Variants in KCNT2 observed in about 807,000 individuals in gnomAD.
KCNT2 encodes the protein potassium channel subfamily T member 2.
KCNT2 carries 67 observed loss-of-function variants against 153.8 expected under a neutral mutation model. The observed-to-expected ratio is 0.44, with a 90% CI of 0.36 to 0.53. KCNT2 has a LOEUF of 0.53. Among genes scored for constraint, KCNT2 ranks in the 20% least tolerant of loss-of-function variants. KCNT2 has a pLI of 0.00. For synonymous variants in KCNT2, 500 were observed against 458.8 expected (o/e 1.09, Z -1.15); for missense variants, 975 against 1,354.8 (o/e 0.72, Z 4.40).
At chr1:196,304,603 A>T (rs1186264195) in intron 22 of KCNT2, among the ~76,000 whole-genome samples, 6 of 152,146 alleles carry the variant, frequency 3.9e-5, no homozygotes, top group Admixed American at 3.9e-4. Flanking sequence ...AGTAGTAAGT[A>T]AAAGCTGAGT....
intron 1 of KCNT2, among the ~76,000 whole-genome samples, chr1:196,587,357 C>T (rs1270013896): frequency 2.0e-5 from 3 of 151,954 alleles, no homozygotes; most frequent in African/African-American, 7.2e-5. Context: ...CAAGACCATA[C>T]AGTTACTAAA....
At chr1:196,231,679 G>A (rs956282775) in intron 27 of KCNT2, among the ~76,000 whole-genome samples, 4 of 151,780 alleles carry the variant, frequency 2.6e-5, no homozygotes, top group African/African-American at 9.7e-5. Context: ...AGACCACAGA[G>A]GATGGATGTT....
intron 2 of KCNT2, among the ~76,000 whole-genome samples, chr1:196,491,066 T>C (rs530774104): frequency 1.4e-3 from 220 of 152,128 alleles, no homozygotes; most frequent in African/African-American, 5.0e-3. Flanking sequence ...ATTAAAGAAA[T>C]TATGCTGGTT....
At chr1:196,606,315 C>A (rs1317571006) in intron 1 of KCNT2, among the ~76,000 whole-genome samples, 1 of 152,174 alleles carries the variant, frequency 6.6e-6, no homozygotes, top group Admixed American at 6.5e-5. Context: ...TTCCAAGTAT[C>A]TTGCCTTCAA....
At chr1:196,590,921 T>A (rs1170620738) in intron 1 of KCNT2, among the ~76,000 whole-genome samples, 1 of 151,150 alleles carries the variant, frequency 6.6e-6, no homozygotes, top group Non-Finnish European at 1.5e-5. Flanking sequence ...AGGCCAGGAG[T>A]TCAAGACCTG....
chr1:196,399,093 G>T (rs1671194636), intron 12 of KCNT2, among the ~76,000 whole-genome samples: 3 of 93,590 alleles, frequency 3.2e-5, no homozygotes, highest in Admixed American at 1.1e-4. Flanking sequence ...TTTGACCTGT[G>T]TGTATGTGTG....
At chr1:196,427,948 G>A (rs891177533) in intron 10 of KCNT2, among the ~76,000 whole-genome samples, 157 bp downstream of exon 10, 2 of 151,666 alleles carry the variant, frequency 1.3e-5, no homozygotes, top group African/African-American at 4.8e-5. Flanking sequence ...TTTTTTCTAT[G>A]TTCCTGGTTA....
At chr1:196,435,135 GTATGTATATATATATATATATA>G (rs1299565199) in intron 8 of KCNT2, among the ~76,000 whole-genome samples, 30 of 76,876 alleles carry the variant, frequency 3.9e-4, no homozygotes, top group African/African-American at 8.7e-4. Flanking sequence ...GTGTGTGTGT[GTATGTATATATATATATATATA>G]TATATATATA....
chr1:196,407,686 T>G (rs1190406573), intron 12 of KCNT2, among the ~76,000 whole-genome samples: 1 of 151,446 alleles, frequency 6.6e-6, no homozygotes, highest in South Asian at 2.1e-4. Context: ...TCTTTTCTCA[T>G]GCTGTCTGAA....
At chr1:196,377,302 G>C (rs567243265) in intron 13 of KCNT2, among the ~76,000 whole-genome samples, 2 of 152,032 alleles carry the variant, frequency 1.3e-5, no homozygotes, top group South Asian at 2.1e-4. Flanking sequence ...AGCTGGGAGA[G>C]AGAGTACATT....
chr1:196,282,621 T>C (rs985789104), intron 23 of KCNT2, among the ~76,000 whole-genome samples: 1 of 152,190 alleles, frequency 6.6e-6, no homozygotes, highest in African/African-American at 2.4e-5. Flanking sequence ...TGTGTGTTAT[T>C]AGGCATGATA....
intron 8 of KCNT2, among the ~76,000 whole-genome samples, chr1:196,448,893 A>G (rs1183436839): frequency 6.6e-6 from 1 of 151,676 alleles, no homozygotes; most frequent in East Asian, 1.9e-4. Flanking sequence ...AAGAACAATC[A>G]TTTTTTTAAA....
intron 1 of KCNT2, among the ~76,000 whole-genome samples, chr1:196,501,273 C>G (rs765897063): frequency 6.6e-6 from 1 of 152,062 alleles, no homozygotes; most frequent in Non-Finnish European, 1.5e-5. Context: ...TATTGCAGCA[C>G]TACTACCAAT....
At chr1:196,310,652 CA>C (rs1417493988) in intron 21 of KCNT2, among the ~76,000 whole-genome samples, 1 of 151,782 alleles carries the variant, frequency 6.6e-6, no homozygotes, top group Non-Finnish European at 1.5e-5. Flanking sequence ...CAATCTAAGA[CA>C]ATATTCTTTT....
At chr1:196,458,303 T>C (rs1676855424) in intron 8 of KCNT2, among the ~76,000 whole-genome samples, 1 of 151,878 alleles carries the variant, frequency 6.6e-6, no homozygotes, top group African/African-American at 2.4e-5. Context: ...AATTATTTCT[T>C]TTATAAAAAT....
At chr1:196,599,860 A>T (rs78960046) in intron 1 of KCNT2, among the ~76,000 whole-genome samples, 2,209 of 152,240 alleles carry the variant, frequency 0.015, 57 homozygotes, top group African/African-American at 0.05. Flanking sequence ...ATCCAAGAGC[A>T]TATTTTTCTT....
intron 13 of KCNT2, among the ~76,000 whole-genome samples, chr1:196,394,218 A>C (rs149852886): frequency 1.3e-5 from 2 of 151,806 alleles, no homozygotes; most frequent in African/African-American, 4.8e-5. Context: ...TGTGATACAC[A>C]AACAGCAATA....
chr1:196,327,301 A>G (rs1327204739), intron 18 of KCNT2, among the ~76,000 whole-genome samples: 6 of 152,072 alleles, frequency 3.9e-5, no homozygotes, highest in African/African-American at 1.4e-4. Context: ...GCGATGAAGA[A>G]AATAAAACAG....
At chr1:196,565,493 A>C (rs926883882) in intron 1 of KCNT2, among the ~76,000 whole-genome samples, 10 of 151,684 alleles carry the variant, frequency 6.6e-5, no homozygotes, top group Non-Finnish European at 1.2e-4. Context: ...TACTATGTTC[A>C]TGTAGCATTA....
Sources: gnomAD v4.1 joint callset for allele counts (sites outside exome capture counted in the v4.1 genomes callset) on GRCh38, gnomAD v4.1.1 for gene constraint, MANE v1.5 for transcripts, NCBI Gene and HGNC (gene_info 2026-07-23, HGNC 2026-07-21) for gene names.